ERG: variants seen among roughly 807,000 people sequenced by gnomAD.
ERG encodes the protein ETS transcription factor ERG.
Under a neutral mutation model 55.3 loss-of-function variants are expected in ERG, and 9 were observed. The ratio of observed to expected loss-of-function variants is 0.16; its 90% confidence interval spans 0.10 to 0.28. ERG has a LOEUF of 0.28. ERG is among the 10% of genes least tolerant of loss of function. The pLI is 1.00. For missense variants in ERG, 434 were observed against 631.6 expected (o/e 0.69, Z 3.35); for synonymous variants, 223 against 237.3 (o/e 0.94, Z 0.55).
intron 1 of ERG, among the ~76,000 whole-genome samples, chr21:38,473,645 A>G (rs1225089194): frequency 6.6e-6 from 1 of 152,138 alleles, no homozygotes; most frequent in Non-Finnish European, 1.5e-5. Flanking sequence ...AATAATTGAG[A>G]GAGGGAAAAT....
chr21:38,489,202 A>G (rs1255331958), intron 1 of ERG, among the ~76,000 whole-genome samples: 2 of 152,274 alleles, frequency 1.3e-5, no homozygotes, highest in African/African-American at 2.4e-5. Flanking sequence ...TGTGATCTAA[A>G]AAAAGATGTT....
At chr21:38,558,824 A>T (rs2059874474) in intron 2 of ERG, among the ~76,000 whole-genome samples, 2 of 152,258 alleles carry the variant, frequency 1.3e-5, no homozygotes, top group South Asian at 4.1e-4. Flanking sequence ...TTTAAGAGAA[A>T]TGGAGTCATA....
chr21:38,368,887 G>A, the ERG span, among the ~76,000 whole-genome samples: 628 of 152,194 alleles, frequency 4.1e-3, 2 homozygotes, highest in Non-Finnish European at 6.9e-3. Flanking sequence ...CTGTTCCTGT[G>A]TGAGTCTGTG....
the ERG span, among the ~76,000 whole-genome samples, chr21:38,370,956 AT>A: frequency 8.0e-5 from 12 of 149,238 alleles, no homozygotes; most frequent in East Asian, 1.4e-3. Flanking sequence ...GTACTGCCGG[AT>A]TTTTTTTTTC....
intron 1 of ERG, among the ~76,000 whole-genome samples, chr21:38,651,761 C>A (rs2060490181): frequency 6.6e-6 from 1 of 152,126 alleles, no homozygotes; most frequent in Non-Finnish European, 1.5e-5. Context: ...CCATAACAGG[C>A]CCGCCACTCT....
intron 2 of ERG, among the ~76,000 whole-genome samples, chr21:38,436,408 G>A (rs1418551085): frequency 2.6e-5 from 4 of 152,164 alleles, no homozygotes; most frequent in Admixed American, 6.5e-5. Flanking sequence ...CTTGGATTTG[G>A]TGCATCTTGT....
At chr21:38,454,475 T>C (rs1484116715) in intron 1 of ERG, among the ~76,000 whole-genome samples, 2 of 152,202 alleles carry the variant, frequency 1.3e-5, no homozygotes, top group African/African-American at 2.4e-5. Flanking sequence ...CCAGGTGAGC[T>C]GGGTGCCTGC....
intron 1 of ERG, among the ~76,000 whole-genome samples, chr21:38,467,284 A>G (rs9636638): frequency 0.018 from 2,758 of 152,302 alleles, 42 homozygotes; most frequent in East Asian, 0.077. Context: ...GAAGTGTGCA[A>G]TTGAAAGAAT....
At chr21:38,648,096 C>G (rs562766354) in intron 1 of ERG, among the ~76,000 whole-genome samples, 1 of 152,348 alleles carries the variant, frequency 6.6e-6, no homozygotes, top group South Asian at 2.1e-4. Flanking sequence ...ATGCATTTAA[C>G]TTTCCCAAAT....
At chr21:38,610,114 T>G (rs2060217416) in intron 1 of ERG, among the ~76,000 whole-genome samples, 1 of 152,218 alleles carries the variant, frequency 6.6e-6, no homozygotes, top group South Asian at 2.1e-4. Flanking sequence ...ACAGGTTCTT[T>G]GCAATTTAAC....
rs542428261 is a variant in ERG at position 38,383,445 on chromosome 21, G to A, written c.1398C>T (p.Leu466=). 8 of 1,515,372 alleles carry A rather than the reference G, an allele frequency of 5.3e-6. No individual in the cohort carries two copies. The highest frequency in any genetic ancestry group is 6.2e-6 in the Non-Finnish European group (7 of 1,131,760). 93.9% of individuals were successfully genotyped at this position (1,515,372 alleles called of 1,614,324 possible). ...GATGAGAAGGCATATGGCTGGTGGGGAGCCTAGTGTTGGGGTATATACCCC... is the reference window on the plus strand; with the variant it reads ...GATGAGAAGGCATATGGCTGGTGGGAAGCCTAGTGTTGGGGTATATACCCC... ...PTGGIYPNTR[L]PTSHMPSHLG... The change falls in exon 10 of 10, where the codon CTC becomes CTT. Residue 466 remains leucine (L), a synonymous_variant. Coordinates refer to ENST00000288319, the MANE Select transcript of ERG (RefSeq NM_182918.4). This position sits in a 1 kb window ranked among gnomAD's most constrained non-coding sequence, Gnocchi z 5.7.
At chr21:38,444,405 G>A (rs2836404) in intron 2 of ERG, among the ~76,000 whole-genome samples, 2 of 151,890 alleles carry the variant, frequency 1.3e-5, no homozygotes, top group Admixed American at 1.3e-4. Flanking sequence ...ATATAAAAGG[G>A]CTTTGTACAC....
At chr21:38,463,437 G>A (rs1013106452) in intron 1 of ERG, among the ~76,000 whole-genome samples, 1 of 152,230 alleles carries the variant, frequency 6.6e-6, no homozygotes, top group Admixed American at 6.5e-5. Context: ...CTGGCTCCAT[G>A]AGGGCAGAGA....
At chr21:38,442,995 G>C (rs891403177) in intron 2 of ERG, among the ~76,000 whole-genome samples, 1 of 152,100 alleles carries the variant, frequency 6.6e-6, no homozygotes, top group Non-Finnish European at 1.5e-5. Flanking sequence ...TTTTAGTAGA[G>C]ACAGGGTTTC....
chr21:38,441,693 G>A (rs2146546710), intron 2 of ERG, among the ~76,000 whole-genome samples: 1 of 152,260 alleles, frequency 6.6e-6, no homozygotes, highest in East Asian at 1.9e-4. Flanking sequence ...CCCTCCCCCT[G>A]GAACATCCTT....
chr21:38,436,499 T>C (rs1398900334), intron 2 of ERG, among the ~76,000 whole-genome samples: 2 of 152,168 alleles, frequency 1.3e-5, no homozygotes, highest in Non-Finnish European at 2.9e-5. Context: ...TAAGAAGCCC[T>C]GAGGGAGTGA....
chr21:38,464,517 C>T (rs138172549), intron 1 of ERG, among the ~76,000 whole-genome samples: 43 of 152,146 alleles, frequency 2.8e-4, no homozygotes, highest in Middle Eastern at 3.4e-3. Context: ...ATCATATCGA[C>T]GAATTCTTTG....
intron 6 of ERG, among the ~76,000 whole-genome samples, chr21:38,396,345 G>T (rs1315260356): frequency 6.6e-6 from 1 of 152,218 alleles, no homozygotes; most frequent in African/African-American, 2.4e-5. Context: ...CGGAAGCAAA[G>T]AATGCAATTT....
chr21:38,451,849 T>C (rs187349189), intron 1 of ERG, among the ~76,000 whole-genome samples: 1 of 152,338 alleles, frequency 6.6e-6, no homozygotes, highest in Non-Finnish European at 1.5e-5. Flanking sequence ...ATCTGACCAG[T>C]GTGTCTTTTA....
Sources: allele counts gnomAD v4.1 joint callset (sites outside exome capture counted in the v4.1 genomes callset), GRCh38; gene constraint gnomAD v4.1.1; non-coding constraint Gnocchi (gnomAD v3.1); transcripts MANE v1.5; gene names NCBI Gene and HGNC (gene_info 2026-07-23, HGNC 2026-07-21).